Variants in CCDC180 observed in about 807,000 individuals in gnomAD.
CCDC180 encodes coiled-coil domain containing 180, also known as coiled-coil domain-containing protein 180.
Under a neutral mutation model 209.2 loss-of-function variants are expected in CCDC180, and 154 were observed. The ratio of observed to expected loss-of-function variants is 0.74; its 90% CI spans 0.65 to 0.84. The LOEUF (loss-of-function observed/expected upper bound fraction) is 0.84. CCDC180 is among the 40% of genes least tolerant of loss of function. The pLI is 0.00. For missense variants in CCDC180, 1,874 were observed against 1,997.3 expected (o/e 0.94, Z 1.18); for synonymous variants, 778 against 749.1 (o/e 1.04, Z -0.63).
rs773704691 is a variant in CCDC180 at position 97,370,632 on chromosome 9, T to C, written c.4351-9T>C. 8 of 1,612,648 alleles carry C rather than the reference T, an allele frequency of 5.0e-6. No individual in the cohort carries two copies. The East Asian group carries it at 1.6e-4, about 31-fold the overall frequency. On this transcript the variant is annotated splice_polypyrimidine_tract_variant and intron_variant, in intron 32 of 36. Coordinates refer to ENST00000529487, the MANE Select transcript of CCDC180 (RefSeq NM_020893.6). The stretch of plus-strand genomic sequence containing the variant: ...CATTGCCACTGAATTCTGGATTGTT[T>C]GATTAAAGGACAAAAATGCCCAGAA...
Position 97,367,542 on chromosome 9 carries a change from C to T in CCDC180, c.4189+842C>T, listed in dbSNP as rs771031549. ...AGTGCAGTGGCACGATCCGCAATCT[C>T]GGCTCACTGCAACCTCTGTCTCCTG... is the stretch of plus-strand genomic sequence containing the variant. On this transcript the variant is annotated intron_variant, in intron 31 of 36. Transcript: ENST00000529487. Among the ~76,000 whole-genome samples the T allele has an allele frequency of 6.6e-5, 10 of 151,594 alleles. No individual in the cohort carries two copies. The South Asian group carries it at 8.3e-4, about 13-fold the overall frequency.
intron 32 of CCDC180, 77 bp from the exon 33 acceptor site, chr9:97,370,564 A>G (rs1196140448): frequency 2.0e-6 from 3 of 1,532,852 alleles, no homozygotes; most frequent in South Asian, 2.4e-5. Context: ...GGCCATAATC[A>G]TAATTGACAG....
At chr9:97,362,540 C>T in intron 28 of CCDC180, 99 bp downstream of exon 28, 1 of 1,504,032 alleles carries the variant, frequency 6.6e-7, no homozygotes, top group Non-Finnish European at 8.9e-7. Context: ...CCTCAGAAGG[C>T]ACCACAATGC....
At chr9:97,347,571 G>C (rs1368942852) in intron 20 of CCDC180, 82 bp downstream of exon 20, 2 of 1,332,668 alleles carry the variant, frequency 1.5e-6, no homozygotes, top group East Asian at 5.0e-5. Context: ...ATGTTCATTA[G>C]CTGCCCCAGT....
rs2118052220 is a variant in CCDC180 at position 97,376,910 on chromosome 9, T to C, written c.*16T>C. Reference sequence around the variant, plus strand: ...GTATGTGTGACCCTCCGCCCCACCATGAATAAACACTTTCTTATACAGACT... The same window carrying C: ...GTATGTGTGACCCTCCGCCCCACCACGAATAAACACTTTCTTATACAGACT... On this transcript the variant is annotated 3_prime_UTR_variant, in exon 37 of 37. Transcript: ENST00000529487. The C allele has an allele frequency of 6.2e-7, 1 of 1,606,352 alleles. No individual in the cohort carries two copies. The highest frequency in any genetic ancestry group is 1.1e-5 in the South Asian group (1 of 90,500).
At chr9:97,310,802 A>G (rs1832958860) in intron 3 of CCDC180, among the ~76,000 whole-genome samples, 1 of 152,182 alleles carries the variant, frequency 6.6e-6, no homozygotes, top group Admixed American at 6.5e-5. Flanking sequence ...AACTCCCAAC[A>G]GATAGAAAAA....
rs370298417 is a variant in CCDC180 at position 97,366,725 on chromosome 9, C to A, written c.4189+25C>A. 17 of 1,612,320 alleles carry A rather than the reference C, an allele frequency of 1.1e-5. No individual in the cohort carries two copies. The highest frequency in any genetic ancestry group is 1.7e-4 in the Middle Eastern group (1 of 6,022). ...GGTGAGTATAGGCAGCAGGAAGGCA[C>A]GGGGAACAGGGCGGGGCGCGAAGCC... On this transcript the variant is annotated intron_variant, in intron 31 of 36. Coordinates refer to ENST00000529487, the MANE Select transcript of CCDC180 (RefSeq NM_020893.6). This position sits in a 1 kb window ranked among gnomAD's most constrained non-coding sequence, Gnocchi z 4.3.
At chr9:97,343,627 TA>T (rs34335877) in intron 19 of CCDC180, 64 bp downstream of exon 19, 134,025 of 846,626 alleles carry the variant, frequency 0.16, 8 homozygotes, top group South Asian at 0.22. Flanking sequence ...GGTGAAATAT[TA>T]AAAAAAAAAA....
intron 12 of CCDC180, 40 bp from the exon 13 acceptor site, chr9:97,323,741 C>G (rs932011101): frequency 2.0e-6 from 3 of 1,534,892 alleles, no homozygotes; most frequent in Non-Finnish European, 8.8e-7. Flanking sequence ...GTGGGGACCT[C>G]AGTCCTAAGC....
chr9:97,324,334 G>A (rs555596207), intron 13 of CCDC180, among the ~76,000 whole-genome samples: 1 of 152,312 alleles, frequency 6.6e-6, no homozygotes, highest in East Asian at 1.9e-4. Flanking sequence ...CACAAAAGCA[G>A]CCCTAGGCCA....
At chr9:97,346,191 C>T (rs1175737630) in intron 19 of CCDC180, among the ~76,000 whole-genome samples, 34 of 152,224 alleles carry the variant, frequency 2.2e-4, no homozygotes, top group Admixed American at 2.2e-3. Context: ...CCAATGACTT[C>T]ACGCTGCTTT....
In CCDC180 at chr9:97,328,008, C is replaced by T; in HGVS notation, c.1662-12C>T. The T allele has an allele frequency of 1.9e-6, 3 of 1,611,540 alleles. No homozygotes were observed. Among genetic ancestry groups the T allele is most frequent in the Non-Finnish European group, 2.5e-6 (3 of 1,178,708 alleles). Reference sequence around the variant, plus strand: ...TAGCTGGGGTCTCCTGTCTTACCTACCTACCTCCCAGGTATGAATGTTTTC... The same window carrying T: ...TAGCTGGGGTCTCCTGTCTTACCTATCTACCTCCCAGGTATGAATGTTTTC... On this transcript the variant is annotated splice_polypyrimidine_tract_variant and intron_variant, in intron 15 of 36. Coordinates refer to ENST00000529487, the MANE Select transcript of CCDC180 (RefSeq NM_020893.6).
intron 19 of CCDC180, 58 bp from the exon 20 acceptor site, chr9:97,347,256 A>G: frequency 6.7e-7 from 1 of 1,500,798 alleles, no homozygotes; most frequent in Non-Finnish European, 8.9e-7. Context: ...CCATATGGAA[A>G]GACCTCTCAT....
intron 34 of CCDC180, chr9:97,373,527 T>G (rs1266236878): frequency 1.3e-5 from 2 of 152,264 alleles, no homozygotes; most frequent in Non-Finnish European, 2.9e-5. Context: ...TGGGCGCTTT[T>G]GCGACCTGAT....
intron 35 of CCDC180, 56 bp from the exon 36 acceptor site, chr9:97,375,398 T>C: frequency 6.2e-7 from 1 of 1,607,230 alleles, no homozygotes. Context: ...GGTTGGTAGG[T>C]GGATTATGAA....
Position 97,330,524 on chromosome 9 carries a change from A to G in CCDC180, c.2031A>G (p.Pro677=). The change falls in exon 18 of 37, where the codon CCA becomes CCG. Residue 677 remains proline, a synonymous_variant. Transcript: ENST00000529487. ...EEVLGQQKKS[P]LHAKMDESKE... is the part of the protein sequence containing the mutation. ...TGCTGGGGCAGCAGAAAAAATCTCCACTGCATGCTAAGATGGATGAGTCCA... is the reference window on the plus strand; with the variant it reads ...TGCTGGGGCAGCAGAAAAAATCTCCGCTGCATGCTAAGATGGATGAGTCCA... The G allele has an allele frequency of 1.2e-6, 2 of 1,614,134 alleles. No individual in the cohort carries two copies. The highest frequency in any genetic ancestry group is 2.2e-5 in the South Asian group (2 of 91,074).
intron 25 of CCDC180, among the ~76,000 whole-genome samples, chr9:97,359,382 C>A (rs1360184378): frequency 6.6e-6 from 1 of 152,174 alleles, no homozygotes; most frequent in Admixed American, 6.5e-5. Context: ...GGTGTGCGGG[C>A]ATTCCTGTGT....
At chr9:97,324,900 G>C in intron 13 of CCDC180, 119 bp from the exon 14 acceptor site, 1 of 920,804 alleles carries the variant, frequency 1.1e-6, no homozygotes, top group Non-Finnish European at 1.6e-6. Flanking sequence ...TGACCTTGAG[G>C]GACGGTGTCT....
At chr9:97,374,817 T>C (rs140667565) in intron 35 of CCDC180, among the ~76,000 whole-genome samples, 169 bp downstream of exon 35, 168 of 152,324 alleles carry the variant, frequency 1.1e-3, no homozygotes, top group Middle Eastern at 3.4e-3. Context: ...CTTACCTTGA[T>C]ATTATCAAGA....
Sources: allele counts gnomAD v4.1 joint callset (sites outside exome capture counted in the v4.1 genomes callset), GRCh38; gene constraint gnomAD v4.1.1; non-coding constraint Gnocchi (gnomAD v3.1); transcripts MANE v1.5; gene names NCBI Gene and HGNC (gene_info 2026-07-23, HGNC 2026-07-21).